AGBL1: variants seen among roughly 807,000 people sequenced by gnomAD.
AGBL1 encodes the protein cytosolic carboxypeptidase 4.
A neutral mutation model predicts 118.9 loss-of-function variants in AGBL1; 130 were observed. That is an observed-to-expected ratio of 1.09 (90% CI 0.95 to 1.26). The LOEUF (loss-of-function observed/expected upper bound fraction) is 1.26. Among genes scored for constraint, AGBL1 ranks in the 50% most tolerant of loss-of-function variants. AGBL1 has a pLI of 0.00. For synonymous variants in AGBL1, 555 were observed against 478.9 expected, an observed-to-expected ratio of 1.16 and a Z score of -2.08; for missense variants, 1,584 against 1,298.1, an observed-to-expected ratio of 1.22 and a Z score of -3.38.
intron 22 of AGBL1, among the ~76,000 whole-genome samples, chr15:86,744,387 CA>C (rs2077723886): frequency 6.6e-6 from 1 of 152,084 alleles, no homozygotes; most frequent in African/African-American, 2.4e-5. Flanking sequence ...GCCGTGCCAA[CA>C]GAGATATGAA....
chr15:86,808,820 A>T (rs2078752027), intron 22 of AGBL1, among the ~76,000 whole-genome samples: 1 of 147,028 alleles, frequency 6.8e-6, no homozygotes, highest in Admixed American at 6.9e-5. Flanking sequence ...ACTGCTTGCA[A>T]TTCTTCTTGA....
chr15:86,346,458 T>C (rs530291590), intron 17 of AGBL1, among the ~76,000 whole-genome samples: 3 of 152,206 alleles, frequency 2.0e-5, no homozygotes, highest in Non-Finnish European at 2.9e-5. Context: ...GGCATTCTCC[T>C]GCCTCAGCCT....
In AGBL1 at chr15:86,730,695, C is replaced by G. The variant is rs115374197; in HGVS notation, c.3158+56259C>G. ...TGGCAATAATGATAGTTATTACAAA[C>G]TGCTTGGAAAAAAATAAGAATGCAT... is the stretch of plus-strand genomic sequence containing the variant. On this transcript the variant is annotated intron_variant, in intron 22 of 22. Coordinates refer to ENST00000614907, the MANE Select transcript of AGBL1 (RefSeq NM_001386094.1). Among the ~76,000 whole-genome samples the G allele has an allele frequency of 6.1e-3, 932 of 152,088 alleles. 11 individuals carry two copies. Among genetic ancestry groups the G allele is most frequent in the African/African-American group, 0.021 (883 of 41,488 alleles).
downstream of AGBL1, among the ~76,000 whole-genome samples, chr15:87,029,235 G>A (rs58579694): frequency 1.4e-3 from 219 of 151,468 alleles, no homozygotes; most frequent in African/African-American, 4.9e-3. Context: ...CTCTTTTTTC[G>A]GTTCAAAGAG....
chr15:86,157,865 C>T (rs2077213903), intron 4 of AGBL1, among the ~76,000 whole-genome samples: 1 of 152,204 alleles, frequency 6.6e-6, no homozygotes, highest in South Asian at 2.1e-4. Context: ...CTCGGACAGG[C>T]ATCCACAAAA....
chr15:86,552,678 C>T (rs2083680454), intron 20 of AGBL1, among the ~76,000 whole-genome samples: 1 of 152,044 alleles, frequency 6.6e-6, no homozygotes, highest in African/African-American at 2.4e-5. Flanking sequence ...AGATAGAAAA[C>T]AAACAACTAA....
At chr15:86,421,827 A>G (rs2142024870) in intron 18 of AGBL1, among the ~76,000 whole-genome samples, 1 of 152,342 alleles carries the variant, frequency 6.6e-6, no homozygotes, top group Middle Eastern at 3.4e-3. Context: ...TAGACTTTAA[A>G]CCAACAAAGA....
intron 22 of AGBL1, among the ~76,000 whole-genome samples, chr15:86,842,397 T>C (rs1407448665): frequency 6.6e-6 from 1 of 152,188 alleles, no homozygotes; most frequent in Non-Finnish European, 1.5e-5. Context: ...CTCTGTGATA[T>C]TGCAGTCATC....
At chr15:86,298,114 G>A (rs2079675529) in intron 17 of AGBL1, among the ~76,000 whole-genome samples, 1 of 151,204 alleles carries the variant, frequency 6.6e-6, no homozygotes, top group Admixed American at 6.6e-5. Context: ...AATTCTTTCT[G>A]CCTGAAGGCC....
chr15:86,734,763 CTTTAGTTTT>C (rs1257552713), intron 22 of AGBL1, among the ~76,000 whole-genome samples: 1 of 152,116 alleles, frequency 6.6e-6, no homozygotes, highest in Non-Finnish European at 1.5e-5. Flanking sequence ...CTGGCAGCCT[CTTTAGTTTT>C]TTGTGGTTCT....
In AGBL1 at chr15:86,664,405, C is replaced by T. The variant is rs116323907; in HGVS notation, c.2995-9868C>T. 6.2e-3 allele frequency among the ~76,000 whole-genome samples: 937 copies of T among 152,306 alleles called. 8 individuals are homozygous for T. Among genetic ancestry groups the T allele is most frequent in the African/African-American group, 0.021 (881 of 41,578 alleles). On this transcript the variant is annotated intron_variant, in intron 21 of 22. Transcript: ENST00000614907. ...TCTGATTGACTCAGTTTTAACTTCT[C>T]TGTTGGGTACATGTCAAGGCAGGGA...
At chr15:86,098,801 T>C (rs1288105221) in intron 1 of AGBL1, among the ~76,000 whole-genome samples, 1 of 147,624 alleles carries the variant, frequency 6.8e-6, no homozygotes, top group Non-Finnish European at 1.5e-5. Context: ...TTCAAGCTCT[T>C]TTTTTTGGTT....
intron 22 of AGBL1, among the ~76,000 whole-genome samples, chr15:86,784,055 T>A (rs1275489526): frequency 6.6e-6 from 1 of 152,062 alleles, no homozygotes; most frequent in Non-Finnish European, 1.5e-5. Flanking sequence ...AATGTTTACT[T>A]ACTGTGCAAT....
chr15:86,452,812 G>A (rs931450369), intron 18 of AGBL1, among the ~76,000 whole-genome samples: 3 of 152,068 alleles, frequency 2.0e-5, no homozygotes, highest in Non-Finnish European at 4.4e-5. Flanking sequence ...TGCTCTTTCT[G>A]TGACACTGCA....
chr15:86,435,324 G>A (rs1212145545), intron 18 of AGBL1, among the ~76,000 whole-genome samples: 2 of 152,176 alleles, frequency 1.3e-5, no homozygotes, highest in Non-Finnish European at 1.5e-5. Flanking sequence ...ATCAGGCAGG[G>A]AGAAGATAAG....
chr15:86,349,353 C>T (rs1282176638), intron 17 of AGBL1, among the ~76,000 whole-genome samples: 1 of 152,112 alleles, frequency 6.6e-6, no homozygotes, highest in Non-Finnish European at 1.5e-5. Context: ...TTATATGATC[C>T]ATAACATTAA....
At position 87,002,710 on chromosome 15, in the gene AGBL1, A is replaced by T. The variant is rs1275368750; in HGVS notation, c.3323+14622A>T. Among the ~76,000 whole-genome samples, 3 of 152,176 alleles carry T rather than the reference A, an allele frequency of 2.0e-5. No homozygotes were observed. The South Asian group carries it at 6.2e-4, about 32-fold the overall frequency. On this transcript the variant is annotated intron_variant, in intron 24 of 24. Coordinates refer to the AGBL1 transcript ENST00000441037. ...GTCCTTCACATCCCTTGGAAGTTGG[A>T]TTCCTAGGTATTTTATTCTCTTTGA...
chr15:86,966,135 G>A (rs145535415), intron 23 of AGBL1, among the ~76,000 whole-genome samples: 62 of 152,024 alleles, frequency 4.1e-4, no homozygotes, highest in Non-Finnish European at 7.1e-4. Flanking sequence ...TACTGAAAAC[G>A]CCTTTTCAAA....
chr15:86,353,850 G>T (rs1208347839), intron 17 of AGBL1, among the ~76,000 whole-genome samples: 2 of 152,196 alleles, frequency 1.3e-5, no homozygotes, highest in Non-Finnish European at 2.9e-5. Context: ...AGTCGTATGA[G>T]AACCCAATCA....
Sources: allele counts gnomAD v4.1 joint callset (sites outside exome capture counted in the v4.1 genomes callset), GRCh38; gene constraint gnomAD v4.1.1; transcripts MANE v1.5; gene names NCBI Gene and HGNC (gene_info 2026-07-23, HGNC 2026-07-21).